Variants in PTBP1 observed in about 807,000 individuals in gnomAD.
The protein encoded by PTBP1 is polypyrimidine tract binding protein 1.
PTBP1 carries 8 observed loss-of-function variants against 59.8 expected under a neutral mutation model. The ratio of observed to expected loss-of-function variants is 0.13; its 90% CI spans 0.08 to 0.24. PTBP1 has a LOEUF of 0.24. PTBP1 is among the 10% of genes least tolerant of loss of function. The pLI is 1.00. For missense variants in PTBP1, 686 were observed against 767.0 expected (o/e 0.89, Z 1.25); for synonymous variants, 490 against 320.7 (o/e 1.53, Z -5.64).
chr19:806,547 C>T lies in PTBP1; in HGVS notation c.1110C>T (p.Leu370=). 1.3e-6 allele frequency: 2 copies of T among 1,529,532 alleles called. No homozygotes were observed. The highest frequency in any genetic ancestry group is 1.8e-6 in the Non-Finnish European group (2 of 1,139,160). The allele number at this position is 1,529,532 out of a possible 1,614,324, so 94.7% of individuals were successfully genotyped here. The change falls in exon 10 of 15, where the codon CTC becomes CTT. Residue 370 remains leucine, a synonymous_variant. Transcript: ENST00000356948. ...AGNSVLLVSN[L]NPERVTPQSL... is the part of the protein sequence containing the mutation. The stretch of plus-strand genomic sequence containing the variant: ...ATTCTGTATTGCTGGTCAGCAACCT[C>T]AACCCAGAGGTACGTGGGCTTTTCC...
rs949497934 is a variant in PTBP1 at position 808,346 on chromosome 19, C to G, written c.1154-14C>G. 10 of 1,584,746 alleles carry G rather than the reference C, an allele frequency of 6.3e-6. No homozygotes were observed. Among genetic ancestry groups the G allele is most frequent in the African/African-American group, 1.3e-5 (1 of 74,326 alleles). On this transcript the variant is annotated splice_polypyrimidine_tract_variant and intron_variant, in intron 11 of 14. Transcript: ENST00000356948. The surrounding 1 kb of genome is among the most constrained non-coding windows in gnomAD (Gnocchi z 4.7). ...GCAGCAGGAGACTCAGGCCCCATCC[C>G]TGGGCTTTTGAAGGCGTCTACGGTG...
chr19:810,526 C>G lies in PTBP1; in HGVS notation c.1464-17C>G. 1 of 1,611,690 alleles carries G rather than the reference C, an allele frequency of 6.2e-7. No homozygotes were observed. Among genetic ancestry groups the G allele is most frequent in the Non-Finnish European group, 8.5e-7 (1 of 1,179,096 alleles). On this transcript the variant is annotated splice_polypyrimidine_tract_variant and intron_variant, in intron 13 of 14. Coordinates refer to ENST00000356948, the MANE Select transcript of PTBP1 (RefSeq NM_002819.5). ...ACCCCCACGCGGCCCCAGGCTCACG[C>G]CTTTCTCCTCCCACAGGCCCTCAGT...
At chr19:806,671 C>T (rs565347716) in intron 10 of PTBP1, 115 bp downstream of exon 10, 3 of 1,026,706 alleles carry the variant, frequency 2.9e-6, no homozygotes, top group South Asian at 2.0e-5. Flanking sequence ...GCGCCTCTGC[C>T]CTGGCAGCCC....
Position 810,907 on chromosome 19 carries a change from T to A in PTBP1, c.*81T>A. On this transcript the variant is annotated 3_prime_UTR_variant, in exon 15 of 15. Transcript: ENST00000356948. ...AAAGCCACTTTAAAAACAGCTGAAG[T>A]GACCTTAGCAGACCAGAGATTTTAT... The A allele has an allele frequency of 1.5e-6, 2 of 1,323,016 alleles. No individual in the cohort carries two copies. Among genetic ancestry groups the A allele is most frequent in the South Asian group, 3.1e-5 (2 of 64,258 alleles). 82.0% of individuals were successfully genotyped at this position (1,323,016 alleles called of 1,614,324 possible).
chr19:808,745 G>T lies in PTBP1; in HGVS notation c.1446G>T (p.Leu482=). ...ACATATTCCCGCCCTCGGCCACGCT[G>T]CACCTCTCCAACATCCCGTGAGTGC... ...FQNIFPPSAT[L]HLSNIPPSVS... is the part of the protein sequence containing the mutation. The change falls in exon 13 of 15, where the codon CTG becomes CTT. Residue 482 remains leucine (L), a synonymous_variant. Transcript: ENST00000356948. This position sits in a 1 kb window ranked among gnomAD's most constrained non-coding sequence, Gnocchi z 4.7. 6.2e-7 allele frequency: 1 copy of T among 1,611,936 alleles called. No individual in the cohort carries two copies. The highest frequency in any genetic ancestry group is 8.5e-7 in the Non-Finnish European group (1 of 1,179,446).
At chr19:804,230 G>A (rs776261741) in intron 4 of PTBP1, 22 bp downstream of exon 4, 19 of 1,608,054 alleles carry the variant, frequency 1.2e-5, no homozygotes, top group East Asian at 2.2e-5. Context: ...GCGTTTCTCC[G>A]GGGTGCTCAC....
At chr19:803,194 G>A (rs1316338735) in intron 2 of PTBP1, among the ~76,000 whole-genome samples, 1 of 152,162 alleles carries the variant, frequency 6.6e-6, no homozygotes, top group African/African-American at 2.4e-5. Flanking sequence ...TGGTGGCTGA[G>A]GCCCCAGGCC....
rs1368926900 is a variant in PTBP1, at chr19:810,513, C to A, written c.1464-30C>A. ...ACTGGGCGCCCCCACCCCCACGCGG[C>A]CCCAGGCTCACGCCTTTCTCCTCCC... is the stretch of plus-strand genomic sequence containing the variant. On this transcript the variant is annotated intron_variant, in intron 13 of 14. Coordinates refer to ENST00000356948, the MANE Select transcript of PTBP1 (RefSeq NM_002819.5). 4 of 1,605,150 alleles carry A rather than the reference C, an allele frequency of 2.5e-6. No homozygotes were observed. The African/African-American group carries it at 5.4e-5, about 22-fold the overall frequency.
chr19:806,451 C>T lies in PTBP1; in HGVS notation c.1014C>T (p.Ala338=), dbSNP rs11549887. 0.022 allele frequency: 34,913 copies of T among 1,600,970 alleles called. 468 individuals are homozygous for T. The highest frequency in any genetic ancestry group is 0.026 in the Non-Finnish European group (30,229 of 1,174,014). ...PNVHGALAPL[A]IPSAAAAAAA... The stretch of plus-strand genomic sequence containing the variant: ...TCCACGGCGCCCTGGCCCCCCTGGC[C>T]ATCCCCTCGGCGGCGGCGGCAGCTG... The change falls in exon 10 of 15, where the codon GCC becomes GCT. Residue 338 remains alanine (A), a synonymous_variant. Transcript: ENST00000356948.
chr19:808,797 G>A lies in PTBP1; in HGVS notation c.1463+35G>A. On this transcript the variant is annotated intron_variant, in intron 13 of 14. Transcript: ENST00000356948. The surrounding 1 kb of genome is among the most constrained non-coding windows in gnomAD (Gnocchi z 4.7). ...GGGCCGGGGGGCTCATGGGGCCGGG[G>A]GCGGGCAAGGGCTCTGCTTGGCTGT... The A allele has an allele frequency of 6.4e-7, 1 of 1,570,806 alleles. No homozygotes were observed. Among genetic ancestry groups the A allele is most frequent in the Non-Finnish European group, 8.7e-7 (1 of 1,153,644 alleles).
chr19:799,550 C>A (rs907561636), intron 2 of PTBP1, 107 bp downstream of exon 2: 2 of 1,090,352 alleles, frequency 1.8e-6, no homozygotes, highest in Non-Finnish European at 2.8e-6. Context: ...CTTTTCCATT[C>A]CTAAGGGGCA....
chr19:806,165 C>T, intron 9 of PTBP1: 1 of 436,788 alleles, frequency 2.3e-6, no homozygotes, highest in Non-Finnish European at 4.0e-6. Context: ...GGGCGGGGCG[C>T]ATGCAGATGA....
rs773639455 is a variant in PTBP1, at chr19:806,445, C to T, written c.1008C>T (p.Pro336=). The T allele has an allele frequency of 1.6e-5, 25 of 1,601,668 alleles. No homozygotes were observed. The highest frequency in any genetic ancestry group is 2.3e-5 in the East Asian group (1 of 43,412). Residue 336 remains proline (P), a synonymous_variant, in exon 10 of 15, where the codon CCC becomes CCT. Transcript: ENST00000356948. ...SVPNVHGALA[P]LAIPSAAAAA... ...CGAACGTCCACGGCGCCCTGGCCCC[C>T]CTGGCCATCCCCTCGGCGGCGGCGG...
At chr19:802,207 C>T (rs550281865) in intron 2 of PTBP1, among the ~76,000 whole-genome samples, 33 of 152,310 alleles carry the variant, frequency 2.2e-4, no homozygotes, top group African/African-American at 7.7e-4. Context: ...CCGGAGTCTC[C>T]CGAGGCTCTT....
Position 805,503 on chromosome 19 carries a change from A to G in PTBP1, c.904A>G (p.Ile302Val), listed in dbSNP as rs367950139. ...TMAAAFGAPG[I>V]ISASPYAGAG... ...TCATTTATTTCTAGGTGCACCTGGTATAATCTCAGCCTCTCCGTATGCAGG... is the reference window on the plus strand; with the variant it reads ...TCATTTATTTCTAGGTGCACCTGGTGTAATCTCAGCCTCTCCGTATGCAGG... Residue 302 changes from isoleucine (I) to valine (V), a missense_variant, in exon 9 of 15, where the codon ATA becomes GTA. Coordinates refer to ENST00000356948, the MANE Select transcript of PTBP1 (RefSeq NM_002819.5). 2.5e-6 allele frequency: 4 copies of G among 1,613,274 alleles called. No individual in the cohort carries two copies. In the African/African-American group the frequency reaches 4.0e-5, roughly 16 times the overall value.
chr19:804,199 G>C lies in PTBP1; in HGVS notation c.279G>C (p.Gly93=). Residue 93 remains glycine, a synonymous_variant, in exon 4 of 15, where the codon GGG becomes GGC. Coordinates refer to ENST00000356948, the MANE Select transcript of PTBP1 (RefSeq NM_002819.5). The part of the protein sequence containing the change: ...GKVTNLLMLK[G]KNQAFIEMNT... ...TCACCAACCTCCTGATGCTGAAGGG[G>C]AAAAACCAGGTACCTGAGCCGCGTT... 1 of 1,607,022 alleles carries C rather than the reference G, an allele frequency of 6.2e-7. No homozygotes were observed. Among genetic ancestry groups the C allele is most frequent in the Non-Finnish European group, 8.5e-7 (1 of 1,175,282 alleles).
At chr19:806,638 C>T (rs774101777) in intron 10 of PTBP1, 82 bp downstream of exon 10, 13 of 1,337,640 alleles carry the variant, frequency 9.7e-6, no homozygotes, top group Non-Finnish European at 1.3e-5. Context: ...GGTCCCGGAG[C>T]AGCGCCGCCC....
chr19:799,020 G>A (rs541878721), intron 1 of PTBP1, among the ~76,000 whole-genome samples: 23 of 152,380 alleles, frequency 1.5e-4, no homozygotes, highest in Admixed American at 5.9e-4. Context: ...GAGTTTGCCA[G>A]TTTCAGCCTC....
intron 2 of PTBP1, among the ~76,000 whole-genome samples, chr19:801,501 C>T (rs1048408304): frequency 6.6e-6 from 1 of 152,216 alleles, no homozygotes; most frequent in Non-Finnish European, 1.5e-5. Flanking sequence ...CGGCCCCGCC[C>T]ACCACTCCAG....
Sources: allele counts gnomAD v4.1 joint callset (sites outside exome capture counted in the v4.1 genomes callset), GRCh38; gene constraint gnomAD v4.1.1; non-coding constraint Gnocchi (gnomAD v3.1); transcripts MANE v1.5; gene names NCBI Gene and HGNC (gene_info 2026-07-23, HGNC 2026-07-21).